Variants in DPY19L4 observed in about 807,000 individuals in gnomAD.
DPY19L4 encodes dpy-19 like 4, also known as probable C-mannosyltransferase DPY19L4.
A neutral mutation model predicts 102.8 loss-of-function variants in DPY19L4; 97 were observed. That is an observed-to-expected ratio of 0.94 (90% CI 0.80 to 1.12). The LOEUF is 1.12. Ranked by LOEUF, DPY19L4 falls within the 50% of genes most tolerant of loss-of-function variation. The probability of loss-of-function intolerance (pLI) is 0.00; values close to 1 mark genes in which losing one functional copy is unlikely to be tolerated. For synonymous variants in DPY19L4, 252 were observed against 283.1 expected (o/e 0.89, Z 1.10); for missense variants, 815 against 850.4 (o/e 0.96, Z 0.52).
At chr8:94,773,240 A>G (rs915112704) in intron 13 of DPY19L4, among the ~76,000 whole-genome samples, 1 of 151,180 alleles carries the variant, frequency 6.6e-6, no homozygotes, top group African/African-American at 2.4e-5. Flanking sequence ...AAGGCAATAT[A>G]TGAAATCCTT....
chr8:94,765,905 G>A, intron 10 of DPY19L4, 96 bp downstream of exon 10: 1 of 761,794 alleles, frequency 1.3e-6, no homozygotes, highest in African/African-American at 1.8e-5. Context: ...GCACGTAATA[G>A]AGTTTGAACA....
At chr8:94,787,641 A>G (rs1218780419) in intron 17 of DPY19L4, among the ~76,000 whole-genome samples, 1 of 152,192 alleles carries the variant, frequency 6.6e-6, no homozygotes, top group Non-Finnish European at 1.5e-5. Flanking sequence ...ATTATCTAAT[A>G]AGATCCAGAG....
At chr8:94,768,107 G>A (rs1239210947) in intron 11 of DPY19L4, among the ~76,000 whole-genome samples, 3 of 152,096 alleles carry the variant, frequency 2.0e-5, no homozygotes, top group African/African-American at 7.2e-5. Flanking sequence ...GATAAAGATA[G>A]AAACCAAAAT....
chr8:94,766,461 A>T, intron 10 of DPY19L4, 151 bp from the exon 11 acceptor site: 1 of 627,564 alleles, frequency 1.6e-6, no homozygotes, highest in Non-Finnish European at 2.7e-6. Flanking sequence ...TATGTCAGTA[A>T]ATCTCCTTGC....
intron 17 of DPY19L4, among the ~76,000 whole-genome samples, chr8:94,786,823 C>T (rs1238653050): frequency 6.6e-6 from 1 of 152,176 alleles, no homozygotes; most frequent in Non-Finnish European, 1.5e-5. Context: ...GCTGGGATTA[C>T]AGGCGTGAGA....
intron 14 of DPY19L4, 45 bp downstream of exon 14, chr8:94,777,831 C>T: frequency 6.4e-7 from 1 of 1,565,024 alleles, no homozygotes; most frequent in South Asian, 1.2e-5. Flanking sequence ...TATATAAAAT[C>T]AAATGCTAAT....
Position 94,758,578 on chromosome 8 carries a change from G to A in DPY19L4, c.735+2419G>A, listed in dbSNP as rs143665722. Reference sequence around the variant, plus strand: ...ATCTATTCTCTATCACTATAATTTTGTCACCTTGAAAGGTTATATAAATGG... The same window carrying A: ...ATCTATTCTCTATCACTATAATTTTATCACCTTGAAAGGTTATATAAATGG... On this transcript the variant is annotated intron_variant, in intron 7 of 18. Coordinates refer to ENST00000414645, the MANE Select transcript of DPY19L4 (RefSeq NM_181787.3). Among the ~76,000 whole-genome samples the A allele has an allele frequency of 5.5e-3, 833 of 152,162 alleles. 7 individuals are homozygous for A. In the Middle Eastern group the frequency reaches 0.058, roughly 11 times the overall value.
At chr8:94,746,600 G>A (rs1811684515) in intron 6 of DPY19L4, among the ~76,000 whole-genome samples, 1 of 152,098 alleles carries the variant, frequency 6.6e-6, no homozygotes, top group Non-Finnish European at 1.5e-5. Context: ...TTCAGTTATA[G>A]ATATTTAAAA....
intron 1 of DPY19L4, among the ~76,000 whole-genome samples, chr8:94,721,146 A>G (rs546896155): frequency 2.0e-5 from 3 of 152,246 alleles, no homozygotes; most frequent in East Asian, 3.9e-4. Context: ...GGGTTTCTCC[A>G]TGTTGGTCAG....
At chr8:94,728,056 G>A (rs180867338) in intron 2 of DPY19L4, among the ~76,000 whole-genome samples, 175 of 152,218 alleles carry the variant, frequency 1.1e-3, no homozygotes, top group African/African-American at 4.0e-3. Flanking sequence ...CCATCTTCTG[G>A]GTTCAAGCAA....
Position 94,791,401 on chromosome 8 carries a change from G to A in DPY19L4, c.*1491G>A, listed in dbSNP as rs917152887. The A allele has an allele frequency of 6.6e-6, 1 of 152,134 alleles. No homozygotes were observed. Among genetic ancestry groups the A allele is most frequent in the African/African-American group, 2.4e-5 (1 of 41,450 alleles). The allele number at this position is 152,134 out of a possible 1,614,324, so 9.4% of individuals were successfully genotyped here. The stretch of plus-strand genomic sequence containing the variant: ...AGCTGAAGAATTGTTTGATGGTGAT[G>A]TCATATATCTGATAGATTAGTTTCA... On this transcript the variant is annotated 3_prime_UTR_variant, in exon 19 of 19. Coordinates refer to ENST00000414645, the MANE Select transcript of DPY19L4 (RefSeq NM_181787.3).
chr8:94,748,770 A>G (rs1811789733), intron 6 of DPY19L4, among the ~76,000 whole-genome samples: 1 of 152,150 alleles, frequency 6.6e-6, no homozygotes, highest in Non-Finnish European at 1.5e-5. Context: ...CACGAACCCT[A>G]TTGTGAACTG....
chr8:94,739,270 T>G (rs558481342), intron 4 of DPY19L4, 143 bp from the exon 5 acceptor site: 1 of 1,016,106 alleles, frequency 9.8e-7, no homozygotes, highest in South Asian at 2.3e-5. Flanking sequence ...TTGTGCTAAA[T>G]TTTTAAAAAA....
chr8:94,766,878 T>TA (rs1206076198), intron 11 of DPY19L4, among the ~76,000 whole-genome samples, 193 bp downstream of exon 11: 4 of 151,162 alleles, frequency 2.6e-5, no homozygotes, highest in Non-Finnish European at 4.4e-5. Flanking sequence ...ACCCCATCTC[T>TA]AAAAAAAAGA....
chr8:94,743,946 C>T (rs1313772597), intron 6 of DPY19L4, among the ~76,000 whole-genome samples: 1 of 152,108 alleles, frequency 6.6e-6, no homozygotes, highest in Non-Finnish European at 1.5e-5. Context: ...GCGGAGGCTG[C>T]ATTGAACTGA....
chr8:94,778,650 A>G (rs1290203276), intron 14 of DPY19L4, among the ~76,000 whole-genome samples: 2 of 151,616 alleles, frequency 1.3e-5, no homozygotes, highest in Admixed American at 6.6e-5. Context: ...GGGCTACTCA[A>G]TTCTGTTTTT....
intron 11 of DPY19L4, 98 bp downstream of exon 11, chr8:94,766,783 A>T: frequency 8.8e-7 from 1 of 1,132,196 alleles, no homozygotes; most frequent in East Asian, 2.6e-5. Flanking sequence ...CACATCTGTA[A>T]TCCCAGCACT....
rs1185395899 is a variant in DPY19L4, at chr8:94,791,350, A to G, written c.*1440A>G. The G allele has an allele frequency of 6.6e-6, 1 of 152,208 alleles. No homozygotes were observed. Among genetic ancestry groups the G allele is most frequent in the Non-Finnish European group, 1.5e-5 (1 of 68,004 alleles). The allele number at this position is 152,208 out of a possible 1,614,324, so 9.4% of individuals were successfully genotyped here. A position where few individuals can be genotyped will look rare whatever the true frequency, so the allele number is the denominator to read the frequency against. ...GTTAAAGTACATGCATTCTTAGACTAACTCTCAGATGCTTTGCTCTTTTGG... is the reference window on the plus strand; with the variant it reads ...GTTAAAGTACATGCATTCTTAGACTGACTCTCAGATGCTTTGCTCTTTTGG... On this transcript the variant is annotated 3_prime_UTR_variant, in exon 19 of 19. Transcript: ENST00000414645.
intron 6 of DPY19L4, among the ~76,000 whole-genome samples, chr8:94,745,442 T>G (rs977248427): frequency 1.2e-4 from 18 of 152,318 alleles, no homozygotes; most frequent in Middle Eastern, 6.8e-3. Flanking sequence ...ATTAAAAGTC[T>G]GTATTAAATT....
Sources: allele counts gnomAD v4.1 joint callset (sites outside exome capture counted in the v4.1 genomes callset), GRCh38; gene constraint gnomAD v4.1.1; transcripts MANE v1.5; gene names NCBI Gene and HGNC (gene_info 2026-07-23, HGNC 2026-07-21).